Variants in CPEB3 observed in about 807,000 individuals in gnomAD.
CPEB3 encodes the protein cytoplasmic polyadenylation element-binding protein 3.
A neutral mutation model predicts 67.2 loss-of-function variants in CPEB3; 20 were observed. The ratio of observed to expected loss-of-function variants is 0.30; its 90% CI spans 0.21 to 0.43. CPEB3 has a LOEUF of 0.43. Among genes scored for constraint, CPEB3 ranks in the 20% least tolerant of loss-of-function variants. The probability of loss-of-function intolerance (pLI) is 1.00; values close to 1 mark genes in which losing one functional copy is unlikely to be tolerated. For missense variants in CPEB3, 746 were observed against 968.6 expected (o/e 0.77, Z 3.05); for synonymous variants, 376 against 393.1 (o/e 0.96, Z 0.51).
chr10:92,278,850 C>T (rs899677555), intron 1 of CPEB3, among the ~76,000 whole-genome samples: 5 of 152,016 alleles, frequency 3.3e-5, no homozygotes, highest in East Asian at 1.9e-4. Flanking sequence ...CTGCCTGCCT[C>T]GGCCTCCCAA....
chr10:92,175,082 C>T (rs535047431), intron 4 of CPEB3, among the ~76,000 whole-genome samples: 1 of 152,034 alleles, frequency 6.6e-6, no homozygotes, highest in East Asian at 1.9e-4. Context: ...AACTAGATGC[C>T]ATCATTACAC....
chr10:92,130,400 A>G (rs1387649181), intron 6 of CPEB3, among the ~76,000 whole-genome samples: 3 of 152,056 alleles, frequency 2.0e-5, no homozygotes, highest in Non-Finnish European at 4.4e-5. Flanking sequence ...TCATGAAAAC[A>G]AACATTGTGA....
chr10:92,245,425 C>T (rs989572784), intron 1 of CPEB3, among the ~76,000 whole-genome samples: 3 of 152,078 alleles, frequency 2.0e-5, no homozygotes, highest in African/African-American at 2.4e-5. Flanking sequence ...CATGAGCCAC[C>T]GTGCCTGGCC....
chr10:92,083,536 A>C (rs1843242392), intron 8 of CPEB3, among the ~76,000 whole-genome samples: 1 of 152,234 alleles, frequency 6.6e-6, no homozygotes, highest in African/African-American at 2.4e-5. Context: ...AACAGAGATC[A>C]AGAAACTGAA....
At chr10:92,123,017 C>T (rs942031072) in intron 6 of CPEB3, among the ~76,000 whole-genome samples, 23 of 152,198 alleles carry the variant, frequency 1.5e-4, no homozygotes, top group African/African-American at 5.6e-4. Flanking sequence ...TACGACACTA[C>T]CAACTTTCTT....
intron 7 of CPEB3, among the ~76,000 whole-genome samples, chr10:92,104,120 A>G (rs540585019): frequency 3.5e-4 from 53 of 151,594 alleles, no homozygotes; most frequent in Non-Finnish European, 7.1e-4. Context: ...TAATATATCA[A>G]TGTTTCTCAA....
intron 2 of CPEB3, among the ~76,000 whole-genome samples, chr10:92,232,819 T>C (rs1851338654): frequency 6.6e-6 from 1 of 151,910 alleles, no homozygotes; most frequent in African/African-American, 2.4e-5. Context: ...TAAGTAGAAA[T>C]TTGTTTCTTT....
intron 4 of CPEB3, among the ~76,000 whole-genome samples, chr10:92,174,507 G>C (rs1358001252): frequency 6.6e-6 from 1 of 152,146 alleles, no homozygotes; most frequent in Non-Finnish European, 1.5e-5. Context: ...AATGACCTCA[G>C]AGCTTCTAAA....
At chr10:92,096,668 G>A (rs955797216) in intron 7 of CPEB3, among the ~76,000 whole-genome samples, 10 of 152,130 alleles carry the variant, frequency 6.6e-5, no homozygotes, top group Admixed American at 2.6e-4. Flanking sequence ...TGCTGGCCAG[G>A]TGCAGTCGCT....
intron 4 of CPEB3, among the ~76,000 whole-genome samples, chr10:92,163,412 C>T (rs1351261520): frequency 6.6e-6 from 1 of 150,816 alleles, no homozygotes; most frequent in Non-Finnish European, 1.5e-5. Flanking sequence ...CCAGCCTGGG[C>T]AACAAGAGCA....
At chr10:92,094,071 T>G (rs1196008175) in intron 7 of CPEB3, among the ~76,000 whole-genome samples, 1 of 151,870 alleles carries the variant, frequency 6.6e-6, no homozygotes, top group Admixed American at 6.6e-5. Context: ...GCCAGGGTGG[T>G]CTCAAACTCT....
chr10:92,217,446 A>C (rs10882037), intron 2 of CPEB3, among the ~76,000 whole-genome samples: 9 of 151,812 alleles, frequency 5.9e-5, no homozygotes, highest in African/African-American at 2.2e-4. Context: ...CCATCAATGA[A>C]TACTCAAGAA....
intron 4 of CPEB3, among the ~76,000 whole-genome samples, chr10:92,168,444 G>GT (rs1403727109): frequency 1.3e-5 from 2 of 152,102 alleles, no homozygotes; most frequent in Non-Finnish European, 2.9e-5. Flanking sequence ...ATTCTAGTGT[G>GT]TTTTTTTCAA....
At chr10:92,144,053 T>C (rs1471805627) in intron 5 of CPEB3, among the ~76,000 whole-genome samples, 1 of 152,224 alleles carries the variant, frequency 6.6e-6, no homozygotes, top group Non-Finnish European at 1.5e-5. Context: ...AGAGTTGTTT[T>C]TTGCTTAAGT....
chr10:92,280,315 C>T (rs1842208338), intron 1 of CPEB3, among the ~76,000 whole-genome samples: 1 of 127,504 alleles, frequency 7.8e-6, no homozygotes, highest in African/African-American at 3.1e-5. Context: ...TGCACTACAG[C>T]CTGGGCAACA....
intron 2 of CPEB3, among the ~76,000 whole-genome samples, chr10:92,236,142 T>C (rs1851519808): frequency 3.3e-5 from 5 of 152,210 alleles, no homozygotes; most frequent in Admixed American, 3.3e-4. Flanking sequence ...ATCACCAAGA[T>C]GCATTAGCCT....
At chr10:92,217,678 C>T (rs1427049940) in intron 2 of CPEB3, among the ~76,000 whole-genome samples, 1 of 152,198 alleles carries the variant, frequency 6.6e-6, no homozygotes, top group Non-Finnish European at 1.5e-5. Flanking sequence ...AGGAGAATCA[C>T]TTGAACCTGG....
intron 9 of CPEB3, among the ~76,000 whole-genome samples, chr10:92,054,320 G>A (rs1039882766): frequency 3.3e-5 from 5 of 151,540 alleles, no homozygotes; most frequent in African/African-American, 9.7e-5. Flanking sequence ...ATATTTACTC[G>A]TAGTCAGGAG....
At position 92,240,059 on chromosome 10, in the gene CPEB3, CCGCGGG is replaced by C. The variant is rs1851759323; in HGVS notation, c.286_291del (p.Pro96_Ala97del). The C allele has an allele frequency of 6.3e-7, 1 of 1,592,008 alleles. No homozygotes were observed. Among genetic ancestry groups the C allele is most frequent in the Non-Finnish European group, 8.5e-7 (1 of 1,169,648 alleles). ...GACGGCGACAGCGACGCGCCCGGTG[CCGCGGG>C]CTCCTGAGGCGGCGGCGGCTGCTGA... On this transcript the variant is annotated inframe_deletion, in exon 2 of 10. Transcript: ENST00000265997.
Sources: gnomAD v4.1 joint callset for allele counts (sites outside exome capture counted in the v4.1 genomes callset) on GRCh38, gnomAD v4.1.1 for gene constraint, MANE v1.5 for transcripts, NCBI Gene and HGNC (gene_info 2026-07-23, HGNC 2026-07-21) for gene names.